The following ANKRD44 variants were observed in gnomAD, a reference collection of about 807,000 sequenced individuals.
The protein encoded by ANKRD44 is ankyrin repeat domain 44.
A neutral mutation model predicts 116.0 loss-of-function variants in ANKRD44; 35 were observed. The observed-to-expected ratio is 0.30, with a 90% CI of 0.23 to 0.40. ANKRD44 has a LOEUF of 0.40. ANKRD44 is among the 10% of genes least tolerant of loss of function. The probability of loss-of-function intolerance (pLI) is 1.00; values close to 1 mark genes in which losing one functional copy is unlikely to be tolerated. For missense variants in ANKRD44, 1,014 were observed against 1,242.6 expected (o/e 0.82, Z 2.77); for synonymous variants, 435 against 461.8 (o/e 0.94, Z 0.74).
intron 2 of ANKRD44, among the ~76,000 whole-genome samples, chr2:197,153,847 G>C (rs2079728670): frequency 6.6e-6 from 1 of 152,160 alleles, no homozygotes; most frequent in Non-Finnish European, 1.5e-5. Context: ...GTGTGTATAA[G>C]AGAGAAAGGT....
At chr2:197,229,979 C>T (rs973622065) in intron 1 of ANKRD44, among the ~76,000 whole-genome samples, 6 of 151,982 alleles carry the variant, frequency 3.9e-5, no homozygotes, top group Non-Finnish European at 7.4e-5. Flanking sequence ...AAAATCACAA[C>T]GCACCCAGAT....
At chr2:197,257,217 T>G (rs2082472281) in intron 1 of ANKRD44, among the ~76,000 whole-genome samples, 2 of 152,184 alleles carry the variant, frequency 1.3e-5, no homozygotes, top group South Asian at 4.1e-4. Context: ...TAGCTCTCTT[T>G]CAGATCATTT....
intron 1 of ANKRD44, among the ~76,000 whole-genome samples, chr2:197,299,990 A>T (rs1473305436): frequency 6.6e-6 from 1 of 152,204 alleles, no homozygotes; most frequent in Non-Finnish European, 1.5e-5. Context: ...GCAACATTCT[A>T]TCCAAGCCAG....
chr2:197,241,567 G>T (rs547949503), intron 1 of ANKRD44, among the ~76,000 whole-genome samples: 2 of 152,034 alleles, frequency 1.3e-5, no homozygotes, highest in Admixed American at 1.3e-4. Flanking sequence ...CTATTTCCAA[G>T]TTCTCTATAA....
At chr2:197,216,818 C>CGA (rs1477964988) in intron 1 of ANKRD44, among the ~76,000 whole-genome samples, 7 of 150,964 alleles carry the variant, frequency 4.6e-5, no homozygotes, top group African/African-American at 1.7e-4. Flanking sequence ...GCCATGAAAT[C>CGA]TAAGGCAGCC....
chr2:197,096,041 C>A (rs552347841), intron 10 of ANKRD44, among the ~76,000 whole-genome samples: 4 of 152,300 alleles, frequency 2.6e-5, no homozygotes, highest in Admixed American at 2.6e-4. Flanking sequence ...CATGAGCTAA[C>A]TGCTAGTCAT....
intron 2 of ANKRD44, among the ~76,000 whole-genome samples, chr2:197,177,150 G>T (rs927179329): frequency 1.3e-5 from 2 of 152,036 alleles, no homozygotes; most frequent in East Asian, 1.9e-4. Context: ...CTTTTGAAAC[G>T]TAAGAGTTAT....
chr2:197,027,216 A>G (rs1371620707), intron 16 of ANKRD44, among the ~76,000 whole-genome samples: 1 of 151,978 alleles, frequency 6.6e-6, no homozygotes, highest in Admixed American at 6.6e-5. Context: ...ACAAAAATTA[A>G]CCAAGTGTGG....
At chr2:196,997,427 A>G (rs1359076417) in intron 25 of ANKRD44, among the ~76,000 whole-genome samples, 1 of 146,906 alleles carries the variant, frequency 6.8e-6, no homozygotes, top group Non-Finnish European at 1.5e-5. Context: ...TAAATTATAT[A>G]TATATATAAT....
intron 17 of ANKRD44, among the ~76,000 whole-genome samples, chr2:197,018,464 C>T (rs917608121): frequency 2.0e-5 from 3 of 152,152 alleles, no homozygotes; most frequent in Non-Finnish European, 4.4e-5. Context: ...AGTAATTCTG[C>T]TCAAATATCA....
intron 2 of ANKRD44, among the ~76,000 whole-genome samples, chr2:197,152,483 AG>A (rs1244808623): frequency 2.0e-5 from 3 of 152,252 alleles, no homozygotes; most frequent in African/African-American, 7.2e-5. Context: ...TTCCTCCAGA[AG>A]GAAGGATGGT....
intron 9 of ANKRD44, among the ~76,000 whole-genome samples, chr2:197,104,953 T>C (rs2078389687): frequency 6.6e-6 from 1 of 152,192 alleles, no homozygotes. Flanking sequence ...GCCAGTAAGT[T>C]TACCCATTTG....
At chr2:197,138,674 A>C (rs2079280043) in intron 3 of ANKRD44, among the ~76,000 whole-genome samples, 1 of 152,158 alleles carries the variant, frequency 6.6e-6, no homozygotes, top group South Asian at 2.1e-4. Context: ...AAATAAATAT[A>C]TGTATGACCA....
chr2:197,269,988 G>A (rs996574704), intron 1 of ANKRD44, among the ~76,000 whole-genome samples: 1 of 152,188 alleles, frequency 6.6e-6, no homozygotes, highest in African/African-American at 2.4e-5. Flanking sequence ...ACACTTCCAT[G>A]TCTGGTAGAT....
chr2:197,057,183 CTA>C (rs2077219277), intron 16 of ANKRD44, among the ~76,000 whole-genome samples: 1 of 152,176 alleles, frequency 6.6e-6, no homozygotes, highest in South Asian at 2.1e-4. Context: ...CTTTCTACTC[CTA>C]GTTAGCTAAG....
Position 197,239,373 on chromosome 2 carries a change from A to G in ANKRD44, c.28-52267T>C, listed in dbSNP as rs540648430. Among the ~76,000 whole-genome samples the G allele has an allele frequency of 3.9e-5, 6 of 152,284 alleles. No individual in the cohort carries two copies. In the East Asian group the frequency reaches 1.2e-3, roughly 29 times the overall value. On this transcript the variant is annotated intron_variant, in intron 1 of 27. Coordinates refer to ENST00000282272, the MANE Select transcript of ANKRD44 (RefSeq NM_001195144.2). ...CAGCCTTCCAAGTAGCTGGGACTAC[A>G]GGCATGAGCCACCATGCCCAGCTAG...
chr2:197,278,777 CA>C (rs1461862088), intron 1 of ANKRD44, among the ~76,000 whole-genome samples: 2 of 152,244 alleles, frequency 1.3e-5, no homozygotes, highest in East Asian at 3.8e-4. Context: ...TCCTTTCTCT[CA>C]TTGCGACACG....
At chr2:197,222,361 G>C (rs1444567228) in intron 1 of ANKRD44, among the ~76,000 whole-genome samples, 1 of 152,222 alleles carries the variant, frequency 6.6e-6, no homozygotes, top group African/African-American at 2.4e-5. Context: ...AGAATAGTGT[G>C]TAATGGGAAC....
At chr2:197,155,117 T>G (rs1446036264) in intron 2 of ANKRD44, among the ~76,000 whole-genome samples, 2 of 152,222 alleles carry the variant, frequency 1.3e-5, no homozygotes. Context: ...GATATTTTAT[T>G]GCACTAATTT....
Sources: gnomAD v4.1 joint callset for allele counts (sites outside exome capture counted in the v4.1 genomes callset) on GRCh38, gnomAD v4.1.1 for gene constraint, MANE v1.5 for transcripts, NCBI Gene and HGNC (gene_info 2026-07-23, HGNC 2026-07-21) for gene names.